AK9: variants seen among roughly 807,000 people sequenced by gnomAD.
AK9 encodes adenylate kinase 9.
Under a neutral mutation model 239.6 loss-of-function variants are expected in AK9, and 191 were observed. The ratio of observed to expected loss-of-function variants is 0.80; its 90% CI spans 0.71 to 0.90. AK9 has a LOEUF of 0.90. AK9 is among the 40% of genes least tolerant of loss of function. The probability of loss-of-function intolerance (pLI) is 0.00; values close to 1 mark genes in which losing one functional copy is unlikely to be tolerated. For synonymous variants in AK9, 689 were observed against 721.0 expected, an observed-to-expected ratio of 0.96 and a Z score of 0.71; for missense variants, 1,995 against 2,214.7, an observed-to-expected ratio of 0.90 and a Z score of 1.99.
chr6:109,521,869 C>T (rs1237709559), intron 29 of AK9, among the ~76,000 whole-genome samples: 6 of 151,986 alleles, frequency 3.9e-5, no homozygotes, highest in Non-Finnish European at 8.8e-5. Context: ...TCCCCACCCC[C>T]ATGTTTCTAG....
chr6:109,664,699 A>G (rs995878946), intron 5 of AK9, among the ~76,000 whole-genome samples: 6 of 151,652 alleles, frequency 4.0e-5, no homozygotes, highest in African/African-American at 1.4e-4. Context: ...CTGGTATTAC[A>G]GGCATGAGCC....
At chr6:109,544,342 G>A (rs553634558) in intron 26 of AK9, among the ~76,000 whole-genome samples, 2 of 152,154 alleles carry the variant, frequency 1.3e-5, no homozygotes, top group Admixed American at 6.5e-5. Context: ...AGGTTAATAC[G>A]GTTTGGATCT....
At chr6:109,639,131 T>C (rs1797082459) in intron 10 of AK9, among the ~76,000 whole-genome samples, 1 of 152,240 alleles carries the variant, frequency 6.6e-6, no homozygotes, top group African/African-American at 2.4e-5. Context: ...TGTGTCCTTA[T>C]AGTAGCCTGA....
chr6:109,562,267 C>A (rs760287922), intron 24 of AK9, among the ~76,000 whole-genome samples: 1 of 151,940 alleles, frequency 6.6e-6, no homozygotes, highest in Non-Finnish European at 1.5e-5. Flanking sequence ...ATTGCTATTT[C>A]TCTTGCAGTG....
intron 19 of AK9, 80 bp from the exon 20 acceptor site, chr6:109,579,706 G>T: frequency 8.4e-7 from 1 of 1,191,522 alleles, no homozygotes; most frequent in Non-Finnish European, 1.2e-6. Flanking sequence ...TGCTTATAGT[G>T]TTAAAAATAA....
chr6:109,539,152 G>T (rs1237470342), intron 27 of AK9, among the ~76,000 whole-genome samples: 1 of 152,162 alleles, frequency 6.6e-6, no homozygotes, highest in Non-Finnish European at 1.5e-5. Context: ...ATGTTGGCCT[G>T]CCTTGCTAGG....
intron 29 of AK9, among the ~76,000 whole-genome samples, chr6:109,523,649 T>C (rs1405084546): frequency 6.6e-6 from 1 of 152,122 alleles, no homozygotes; most frequent in Non-Finnish European, 1.5e-5. Context: ...GAAAGCCAAC[T>C]GACTTTCTGG....
At chr6:109,654,336 T>C (rs1799385151) in intron 8 of AK9, among the ~76,000 whole-genome samples, 1 of 151,640 alleles carries the variant, frequency 6.6e-6, no homozygotes, top group African/African-American at 2.4e-5. Flanking sequence ...ATATATAATA[T>C]ATATATTTTT....
chr6:109,648,177 G>C (rs903192337), intron 8 of AK9, among the ~76,000 whole-genome samples: 1 of 152,080 alleles, frequency 6.6e-6, no homozygotes, highest in African/African-American at 2.4e-5. Flanking sequence ...ACAATTAAAA[G>C]AACTAGAAAA....
At chr6:109,530,987 G>A (rs901821142) in intron 28 of AK9, among the ~76,000 whole-genome samples, 2 of 152,104 alleles carry the variant, frequency 1.3e-5, no homozygotes, top group Non-Finnish European at 2.9e-5. Context: ...AGGTTGCAAT[G>A]AGCTGAGATT....
chr6:109,519,136 A>G (rs888041524), intron 29 of AK9, among the ~76,000 whole-genome samples: 5 of 152,174 alleles, frequency 3.3e-5, no homozygotes, highest in Non-Finnish European at 5.9e-5. Context: ...TGCAAAGGAT[A>G]TGACTTTGTT....
intron 29 of AK9, among the ~76,000 whole-genome samples, chr6:109,523,892 C>T (rs952914718): frequency 1.3e-5 from 2 of 152,110 alleles, no homozygotes; most frequent in African/African-American, 4.8e-5. Flanking sequence ...CCTGCTAAAA[C>T]AAAAACCTCA....
At chr6:109,645,680 T>G (rs1050727930) in intron 8 of AK9, among the ~76,000 whole-genome samples, 2 of 152,234 alleles carry the variant, frequency 1.3e-5, no homozygotes, top group African/African-American at 4.8e-5. Context: ...TAAACGTCCC[T>G]GTCTGACAGC....
In AK9 at chr6:109,573,055, TTTTAA is replaced by T. The variant is rs1258656674; in HGVS notation, c.2344+382_2344+386del. 3.3e-5 allele frequency among the ~76,000 whole-genome samples: 5 copies of T among 152,312 alleles called. No homozygotes were observed. In the East Asian group the frequency reaches 9.6e-4, roughly 29 times the overall value. On this transcript the variant is annotated intron_variant, in intron 21 of 40. Transcript: ENST00000424296. ...TAAAATTCATGCTAATAATTTAAAA[TTTTAA>T]TTTAATTTTTCTTTACTTAGAGCAA...
At chr6:109,532,222 A>T (rs1781368457) in intron 28 of AK9, among the ~76,000 whole-genome samples, 1 of 152,140 alleles carries the variant, frequency 6.6e-6, no homozygotes, top group Non-Finnish European at 1.5e-5. Context: ...ATTGGCAAGG[A>T]GCTCCCTGCC....
chr6:109,690,099 T>G (rs1774112791), intron 1 of AK9, among the ~76,000 whole-genome samples: 1 of 152,218 alleles, frequency 6.6e-6, no homozygotes. Context: ...TACATGAATG[T>G]TATCTGGGTA....
intron 40 of AK9, 58 bp downstream of exon 40, chr6:109,493,923 T>G: frequency 7.6e-7 from 1 of 1,308,572 alleles, no homozygotes; most frequent in South Asian, 1.3e-5. Context: ...TATTCATCAC[T>G]TATACTACCA....
intron 12 of AK9, among the ~76,000 whole-genome samples, chr6:109,626,689 G>A (rs1795563316): frequency 6.6e-6 from 1 of 152,192 alleles, no homozygotes. Flanking sequence ...GCAAGCAACT[G>A]TAACACAATG....
intron 13 of AK9, 47 bp downstream of exon 13, chr6:109,619,045 T>G: frequency 6.6e-7 from 1 of 1,508,864 alleles, no homozygotes; most frequent in Non-Finnish European, 8.8e-7. Flanking sequence ...TAGCCCGGCT[T>G]AATTTTTACC....
Sources: allele counts gnomAD v4.1 joint callset (sites outside exome capture counted in the v4.1 genomes callset), GRCh38; gene constraint gnomAD v4.1.1; transcripts MANE v1.5; gene names NCBI Gene and HGNC (gene_info 2026-07-23, HGNC 2026-07-21).